PSMD3: variants seen among roughly 807,000 people sequenced by gnomAD.
PSMD3 encodes the protein 26S proteasome non-ATPase regulatory subunit 3.
Under a neutral mutation model 62.8 loss-of-function variants are expected in PSMD3, and 5 were observed. The ratio of observed to expected loss-of-function variants is 0.08; its 90% CI spans 0.04 to 0.17. The LOEUF (loss-of-function observed/expected upper bound fraction) is 0.17, where lower values mean the gene tolerates loss of function less well. Among genes scored for constraint, PSMD3 ranks in the 10% least tolerant of loss-of-function variants. PSMD3 has a pLI of 1.00. For missense variants in PSMD3, 524 were observed against 713.6 expected (o/e 0.73, Z 3.03); for synonymous variants, 265 against 283.9 (o/e 0.93, Z 0.67).
chr17:39,991,040 A>G (rs11654706), intron 6 of PSMD3, among the ~76,000 whole-genome samples: 39,598 of 152,126 alleles, frequency 0.26, 7,646 homozygotes, highest in African/African-American at 0.54. Context: ...GTGCAATGGC[A>G]CGATCTTTTC....
In PSMD3 at chr17:39,996,449, A is replaced by C; in HGVS notation, c.1476+111A>C. 1 of 1,403,128 alleles carries C rather than the reference A, an allele frequency of 7.1e-7. No homozygotes were observed. The highest frequency in any genetic ancestry group is 9.8e-7 in the Non-Finnish European group (1 of 1,024,112). The allele number at this position is 1,403,128 out of a possible 1,614,324, so 86.9% of individuals were successfully genotyped here. On this transcript the variant is annotated intron_variant, in intron 10 of 11. Transcript: ENST00000264639. The surrounding 1 kb of genome is among the most constrained non-coding windows in gnomAD (Gnocchi z 5.1). ...TAATTTGTGGCCCACGTCCCAGCCA[A>C]TCTCTGTAAAATCACTGAGCTGCAG...
At chr17:39,991,869 T>G (rs1980662185) in intron 6 of PSMD3, among the ~76,000 whole-genome samples, 1 of 151,612 alleles carries the variant, frequency 6.6e-6, no homozygotes, top group Non-Finnish European at 1.5e-5. Context: ...CTGCAAAAAT[T>G]AAAAACCTAG....
intron 5 of PSMD3, 50 bp downstream of exon 5, chr17:39,989,979 TG>T: frequency 1.3e-6 from 2 of 1,593,122 alleles, no homozygotes; most frequent in East Asian, 4.5e-5. Context: ...CAGGCCTGCC[TG>T]GTGCAAATTT....
At chr17:39,984,082 C>G (rs1980458357) in intron 1 of PSMD3, among the ~76,000 whole-genome samples, 2 of 152,048 alleles carry the variant, frequency 1.3e-5, no homozygotes, top group South Asian at 4.2e-4. Context: ...TGCCTGTAGT[C>G]CCAGCTACTC....
At position 39,996,800 on chromosome 17, in the gene PSMD3, C is replaced by T; in HGVS notation, c.1476+462C>T. The T allele has an allele frequency of 2.2e-6, 1 of 463,974 alleles. No individual in the cohort carries two copies. Among genetic ancestry groups the T allele is most frequent in the South Asian group, 1.5e-5 (1 of 64,614 alleles). The allele number at this position is 463,974 out of a possible 1,614,324, so 28.7% of individuals were successfully genotyped here. ...TATCTAGCTCCACAAAAGGGTGAGC[C>T]CTTATCCTCAGTTAAGCACTGAGTT... On this transcript the variant is annotated intron_variant, in intron 10 of 11. Transcript: ENST00000264639. The surrounding 1 kb of genome is among the most constrained non-coding windows in gnomAD (Gnocchi z 5.1).
Position 39,995,270 on chromosome 17 carries a change from G to A in PSMD3, c.1191G>A (p.Arg397=), listed in dbSNP as rs764061023. 3 of 1,614,058 alleles carry A rather than the reference G, an allele frequency of 1.9e-6. No homozygotes were observed. In the African/African-American group the frequency reaches 4.0e-5, roughly 22 times the overall value. The part of the protein sequence containing the change: ...QADGTYTLII[R]LRHNVIKTGV... ...ATGGGACCTACACCCTAATTATCCG[G>A]CTGCGGCACAACGTGATTAAGACAG... Residue 397 remains arginine, a synonymous_variant, in exon 8 of 12, where the codon CGG becomes CGA. Transcript: ENST00000264639. The surrounding 1 kb of genome is among the most constrained non-coding windows in gnomAD (Gnocchi z 4.1).
At chr17:39,990,676 T>C (rs8066582) in intron 6 of PSMD3, among the ~76,000 whole-genome samples, 85,299 of 152,018 alleles carry the variant, frequency 0.56, 24,194 homozygotes, top group Middle Eastern at 0.74. Flanking sequence ...TCAGAGTGTT[T>C]CTGGCAGATA....
chr17:39,994,758 C>G, intron 6 of PSMD3, 196 bp from the exon 7 acceptor site: 1 of 595,826 alleles, frequency 1.7e-6, no homozygotes. Context: ...GCCACATTCC[C>G]AGCACCCGGC....
chr17:39,986,425 A>G, intron 2 of PSMD3, 150 bp from the exon 3 acceptor site: 2 of 997,156 alleles, frequency 2.0e-6, no homozygotes, highest in South Asian at 3.2e-5. Flanking sequence ...AAAGACTGTA[A>G]TCTTTATTTT....
chr17:39,980,850 C>A lies in PSMD3; in HGVS notation c.-121C>A, dbSNP rs887517823. ...AAGGGGTTTGCAGCTGCTCCGTCAT[C>A]GTGCGGCCCGACGCTATCTCGCGCT... On this transcript the variant is annotated 5_prime_UTR_variant, in exon 1 of 12. Transcript: ENST00000264639. 7.7e-6 allele frequency: 7 copies of A among 911,182 alleles called. No homozygotes were observed. In the African/African-American group the frequency reaches 8.9e-5, roughly 12 times the overall value. 56.4% of individuals were successfully genotyped at this position (911,182 alleles called of 1,614,324 possible).
chr17:39,989,727 T>C lies in PSMD3; in HGVS notation c.687-12T>C. The C allele has an allele frequency of 6.2e-7, 1 of 1,607,792 alleles. No homozygotes were observed. Among genetic ancestry groups the C allele is most frequent in the Non-Finnish European group, 8.5e-7 (1 of 1,176,674 alleles). Reference sequence around the variant, plus strand: ...ATTTGAAGGCTTTGACATCTTTCTTTCCTTCTTGAAGCTTCTTGCATGCTC... The same window carrying C: ...ATTTGAAGGCTTTGACATCTTTCTTCCCTTCTTGAAGCTTCTTGCATGCTC... On this transcript the variant is annotated splice_polypyrimidine_tract_variant and intron_variant, in intron 4 of 11. Transcript: ENST00000264639.
intron 6 of PSMD3, chr17:39,993,994 G>GTCTCTT (rs1326171574): frequency 6.6e-6 from 1 of 152,198 alleles, no homozygotes; most frequent in Non-Finnish European, 1.5e-5. Context: ...GGTCCCAACT[G>GTCTCTT]TCTCTTTCCT....
rs73297220 is a variant in PSMD3, at chr17:39,985,730, C to T, written c.412-845C>T. Among the ~76,000 whole-genome samples, 942 of 152,360 alleles carry T rather than the reference C, an allele frequency of 6.2e-3. 9 individuals are homozygous for T. Among genetic ancestry groups the T allele is most frequent in the African/African-American group, 0.021 (892 of 41,574 alleles). On this transcript the variant is annotated intron_variant, in intron 2 of 11. Coordinates refer to ENST00000264639, the MANE Select transcript of PSMD3 (RefSeq NM_002809.4). Reference sequence around the variant, plus strand: ...CTTGAATATTTTCTGACCTTCACATCGCTAAACTCACGAAACGTGATTATT... The same window carrying T: ...CTTGAATATTTTCTGACCTTCACATTGCTAAACTCACGAAACGTGATTATT...
Position 39,981,131 on chromosome 17 carries a change from A to AGACGGCGGC in PSMD3, c.163_171dup (p.Thr55_Ala57dup). ...GGGTCGACGGGGGAGGCAGACGGCA[A>AGACGGCGGC]GACGGCGGCGGCAGCGGCTGAGCAC... On this transcript the variant is annotated inframe_insertion, in exon 1 of 12. Coordinates refer to ENST00000264639, the MANE Select transcript of PSMD3 (RefSeq NM_002809.4). 1 of 1,550,634 alleles carries AGACGGCGGC rather than the reference A, an allele frequency of 6.4e-7. No individual in the cohort carries two copies. The highest frequency in any genetic ancestry group is 8.7e-7 in the Non-Finnish European group (1 of 1,146,666).
chr17:39,996,542 G>A lies in PSMD3; in HGVS notation c.1476+204G>A, dbSNP rs1420963832. Among the ~76,000 whole-genome samples, 2 of 152,264 alleles carry A rather than the reference G, an allele frequency of 1.3e-5. No individual in the cohort carries two copies. Among genetic ancestry groups the A allele is most frequent in the African/African-American group, 2.4e-5 (1 of 41,560 alleles). On this transcript the variant is annotated intron_variant, in intron 10 of 11. Coordinates refer to ENST00000264639, the MANE Select transcript of PSMD3 (RefSeq NM_002809.4). The surrounding 1 kb of genome is among the most constrained non-coding windows in gnomAD (Gnocchi z 5.1). The stretch of plus-strand genomic sequence containing the variant: ...ATAGCCAGTTGCCCTCTCCTATTGC[G>A]TTTAAGGGATGATGTGGTCACCAGG...
chr17:39,997,787 TGGGCAGGCAACCTCCCC>T lies in PSMD3; in HGVS notation c.*214_*230del, dbSNP rs1980823396. On this transcript the variant is annotated 3_prime_UTR_variant, in exon 12 of 12. Coordinates refer to ENST00000264639, the MANE Select transcript of PSMD3 (RefSeq NM_002809.4). ...ACTTACTGTACAGCAGGCAGGAGGG[TGGGCAGGCAACCTCCCC>T]GGGCAGGGTCCTGGCCAGCAGTGTG... 1 of 625,114 alleles carries T rather than the reference TGGGCAGGCAACCTCCCC, an allele frequency of 1.6e-6. No individual in the cohort carries two copies. Among genetic ancestry groups the T allele is most frequent in the Non-Finnish European group, 2.8e-6 (1 of 359,480 alleles). The allele number at this position is 625,114 out of a possible 1,614,324, so 38.7% of individuals were successfully genotyped here.
rs1354529928 is a variant in PSMD3, at chr17:39,995,967, A to G, written c.1321-216A>G. On this transcript the variant is annotated intron_variant, in intron 9 of 11. Coordinates refer to ENST00000264639, the MANE Select transcript of PSMD3 (RefSeq NM_002809.4). This position sits in a 1 kb window ranked among gnomAD's most constrained non-coding sequence, Gnocchi z 4.1. ...AACCCCATCTCTACTGAAAATACAA[A>G]AATTAGCCAGGCCTGGTGGCAGGTT... 1 of 579,858 alleles carries G rather than the reference A, an allele frequency of 1.7e-6. No homozygotes were observed. Among genetic ancestry groups the G allele is most frequent in the Non-Finnish European group, 3.0e-6 (1 of 335,092 alleles). The allele number at this position is 579,858 out of a possible 1,614,324, so 35.9% of individuals were successfully genotyped here. A position where few individuals can be genotyped will look rare whatever the true frequency, so the allele number is the denominator to read the frequency against.
At position 39,992,735 on chromosome 17, in the gene PSMD3, C is replaced by T. The variant is rs529990635; in HGVS notation, c.982-2219C>T. Among the ~76,000 whole-genome samples the T allele has an allele frequency of 1.2e-4, 19 of 152,010 alleles. No individual in the cohort carries two copies. In the South Asian group the frequency reaches 2.3e-3, roughly 18 times the overall value. On this transcript the variant is annotated intron_variant, in intron 6 of 11. Transcript: ENST00000264639. Reference sequence around the variant, plus strand: ...CCCATCACCTGTTTGCTTCAGTCTCCGGGAAGAAAACCCCCAGCCCTGCTG... The same window carrying T: ...CCCATCACCTGTTTGCTTCAGTCTCTGGGAAGAAAACCCCCAGCCCTGCTG...
chr17:39,984,873 C>T (rs1383629424), intron 2 of PSMD3, among the ~76,000 whole-genome samples: 2 of 152,068 alleles, frequency 1.3e-5, no homozygotes, highest in African/African-American at 4.8e-5. Context: ...CTGTCAGGGC[C>T]AGGCACAGTG....
Sources: gnomAD v4.1 joint callset for allele counts (sites outside exome capture counted in the v4.1 genomes callset) on GRCh38, gnomAD v4.1.1 for gene constraint, Gnocchi (gnomAD v3.1) non-coding constraint, MANE v1.5 for transcripts, NCBI Gene and HGNC (gene_info 2026-07-23, HGNC 2026-07-21) for gene names.